BNIP3L: variants seen among roughly 807,000 people sequenced by gnomAD.
The protein encoded by BNIP3L is BCL2 interacting protein 3 like.
A neutral mutation model predicts 25.5 loss-of-function variants in BNIP3L; 10 were observed. The ratio of observed to expected loss-of-function variants is 0.39; its 90% CI spans 0.24 to 0.67. The LOEUF is 0.67. Among genes scored for constraint, BNIP3L ranks in the 30% least tolerant of loss-of-function variants. The probability of loss-of-function intolerance (pLI) is 0.45; values close to 1 mark genes in which losing one functional copy is unlikely to be tolerated. For synonymous variants in BNIP3L, 113 were observed against 101.2 expected, an observed-to-expected ratio of 1.12 and a Z score of -0.70; for missense variants, 215 against 270.9, an observed-to-expected ratio of 0.79 and a Z score of 1.45.
At position 26,410,787 on chromosome 8, in the gene BNIP3L, A is replaced by G. The variant is rs567812157; in HGVS notation, c.*375A>G. On this transcript the variant is annotated 3_prime_UTR_variant, in exon 6 of 6. Coordinates refer to ENST00000380629, the MANE Select transcript of BNIP3L (RefSeq NM_004331.3). ...ATGGTATAAATTTTACTCTTGCAACATAACTACCATCTCTCTCTTAAAACG... is the reference window on the plus strand; with the variant it reads ...ATGGTATAAATTTTACTCTTGCAACGTAACTACCATCTCTCTCTTAAAACG... The G allele has an allele frequency of 7.5e-5, 13 of 172,440 alleles. No homozygotes were observed. The highest frequency in any genetic ancestry group is 1.2e-4 in the Non-Finnish European group (10 of 80,368). 10.7% of individuals were successfully genotyped at this position (172,440 alleles called of 1,614,324 possible). A position where few individuals can be genotyped will look rare whatever the true frequency, so the allele number is the denominator to read the frequency against.
chr8:26,383,447 C>G (rs1164897880), intron 1 of BNIP3L: 1 of 1,366,862 alleles, frequency 7.3e-7, no homozygotes, highest in Admixed American at 3.4e-5. Context: ...GGGCCCGGGG[C>G]CGTTTGGGCT....
chr8:26,409,564 G>C (rs970054784), intron 5 of BNIP3L, among the ~76,000 whole-genome samples: 3 of 152,090 alleles, frequency 2.0e-5, no homozygotes, highest in Non-Finnish European at 4.4e-5. Flanking sequence ...GTGCAGAAGG[G>C]GACTGTGTGA....
At chr8:26,395,337 TTAAG>T in intron 3 of BNIP3L, 35 bp downstream of exon 3, 1 of 1,581,616 alleles carries the variant, frequency 6.3e-7, no homozygotes. Context: ...CAGTAAACAA[TTAAG>T]AAAGATGTAA....
intron 3 of BNIP3L, among the ~76,000 whole-genome samples, chr8:26,402,999 C>T (rs1479884062): frequency 6.6e-6 from 1 of 152,096 alleles, no homozygotes; most frequent in Non-Finnish European, 1.5e-5. Flanking sequence ...CCTGGAATTC[C>T]AAAGGAATTT....
At position 26,391,343 on chromosome 8, in the gene BNIP3L, C is replaced by T. The variant is rs1275880134; in HGVS notation, c.201C>T (p.His67=). ...LEHVPSSSSI[H]NGDMEKILLD... ...ACGTACCATCCTCATCCTCCATCCACAATGGAGACATGGAGAAGATTCTTT... is the reference window on the plus strand; with the variant it reads ...ACGTACCATCCTCATCCTCCATCCATAATGGAGACATGGAGAAGATTCTTT... Residue 67 remains histidine, a synonymous_variant, in exon 2 of 6, where the codon CAC becomes CAT. Coordinates refer to ENST00000380629, the MANE Select transcript of BNIP3L (RefSeq NM_004331.3). 2 of 1,610,938 alleles carry T rather than the reference C, an allele frequency of 1.2e-6. No homozygotes were observed. The highest frequency in any genetic ancestry group is 1.7e-6 in the Non-Finnish European group (2 of 1,178,660).
chr8:26,407,177 T>TTTTTG (rs1217628918), intron 3 of BNIP3L, among the ~76,000 whole-genome samples: 2 of 150,310 alleles, frequency 1.3e-5, no homozygotes, highest in Non-Finnish European at 3.0e-5. Context: ...GGCTAATTTT[T>TTTTTG]TTTTGTTTTG....
intron 2 of BNIP3L, among the ~76,000 whole-genome samples, chr8:26,394,155 A>C (rs1366307086): frequency 6.6e-6 from 1 of 152,212 alleles, no homozygotes; most frequent in Non-Finnish European, 1.5e-5. Context: ...GAAATCATTA[A>C]TAAAGCTAAG....
chr8:26,404,293 A>G (rs957843002), intron 3 of BNIP3L, among the ~76,000 whole-genome samples: 2 of 152,248 alleles, frequency 1.3e-5, no homozygotes, highest in African/African-American at 4.8e-5. Flanking sequence ...CAAAAATGCC[A>G]GCACAATGTT....
intron 1 of BNIP3L, among the ~76,000 whole-genome samples, chr8:26,385,043 A>C (rs1805960863): frequency 1.3e-5 from 2 of 151,896 alleles, no homozygotes; most frequent in Admixed American, 1.3e-4. Context: ...GGCCTCCCAA[A>C]GTGCTGGGAT....
chr8:26,410,035 A>G (rs1035370080), intron 5 of BNIP3L, among the ~76,000 whole-genome samples: 2 of 152,110 alleles, frequency 1.3e-5, no homozygotes, highest in South Asian at 2.1e-4. Flanking sequence ...TCTGTCCACC[A>G]AAGAGGAACA....
Position 26,391,481 on chromosome 8 carries a change from C to T in BNIP3L, c.284+55C>T, listed in dbSNP as rs145082562. On this transcript the variant is annotated intron_variant, in intron 2 of 5. Coordinates refer to ENST00000380629, the MANE Select transcript of BNIP3L (RefSeq NM_004331.3). Reference sequence around the variant, plus strand: ...CAGGAAACAGGTGGGTTACAGGGCTCATTCACTCTAGGAAAAATCTGTTTG... The same window carrying T: ...CAGGAAACAGGTGGGTTACAGGGCTTATTCACTCTAGGAAAAATCTGTTTG... 4.4e-5 allele frequency: 62 copies of T among 1,396,494 alleles called. 1 individual carries two copies. In the South Asian group the frequency reaches 6.9e-4, roughly 16 times the overall value. The allele number at this position is 1,396,494 out of a possible 1,614,324, so 86.5% of individuals were successfully genotyped here.
At chr8:26,409,016 T>C (rs1240455334) in intron 5 of BNIP3L, among the ~76,000 whole-genome samples, 1 of 152,206 alleles carries the variant, frequency 6.6e-6, no homozygotes, top group Non-Finnish European at 1.5e-5. Flanking sequence ...AACTAATCTT[T>C]AGCATGTACA....
rs565864668 is a variant in BNIP3L, at chr8:26,385,080, T to A, written c.100+1850T>A. On this transcript the variant is annotated intron_variant, in intron 1 of 5. Coordinates refer to ENST00000380629, the MANE Select transcript of BNIP3L (RefSeq NM_004331.3). The stretch of plus-strand genomic sequence containing the variant: ...ACAGGCTTGAGCCATCGCACCGGCT[T>A]CTTTTCAGTGGTGCAGAACCTCCTG... Among the ~76,000 whole-genome samples the A allele has an allele frequency of 3.3e-5, 5 of 151,990 alleles. No homozygotes were observed. In the East Asian group the frequency reaches 9.7e-4, roughly 30 times the overall value.
At position 26,412,187 on chromosome 8, in the gene BNIP3L, A is replaced by G. The variant is rs1806642656; in HGVS notation, c.*1775A>G. 6.6e-6 allele frequency: 1 copy of G among 152,150 alleles called. No individual in the cohort carries two copies. Among genetic ancestry groups the G allele is most frequent in the Non-Finnish European group, 1.5e-5 (1 of 68,032 alleles). The allele number at this position is 152,150 out of a possible 1,614,324, so 9.4% of individuals were successfully genotyped here. A position where few individuals can be genotyped will look rare whatever the true frequency, so the allele number is the denominator to read the frequency against. Reference sequence around the variant, plus strand: ...CTGTCTTACTCTTAAACCTGGTAACACTTGATTTGCCTTCTATAACCTATT... The same window carrying G: ...CTGTCTTACTCTTAAACCTGGTAACGCTTGATTTGCCTTCTATAACCTATT... On this transcript the variant is annotated 3_prime_UTR_variant, in exon 6 of 6. Coordinates refer to ENST00000380629, the MANE Select transcript of BNIP3L (RefSeq NM_004331.3).
At position 26,408,177 on chromosome 8, in the gene BNIP3L, C is replaced by A. The variant is rs1383807343; in HGVS notation, c.462-50C>A. On this transcript the variant is annotated intron_variant, in intron 4 of 5. Transcript: ENST00000380629. ...GCTTACAGGCAATGGGCCTGGTAAT[C>A]CCCACGATATTTTCAGCAAATGACA... The A allele has an allele frequency of 2.5e-6, 4 of 1,611,420 alleles. No individual in the cohort carries two copies. The African/African-American group carries it at 4.0e-5, about 16-fold the overall frequency.
chr8:26,383,064 T>G lies in BNIP3L; in HGVS notation c.-67T>G. ...AGAAAAGGGGGCGGCGGACTCGGCT[T>G]GTTGTGTTGCTGCCTGAGTGCCGGA... On this transcript the variant is annotated 5_prime_UTR_variant, in exon 1 of 6. Coordinates refer to ENST00000380629, the MANE Select transcript of BNIP3L (RefSeq NM_004331.3). The G allele has an allele frequency of 6.9e-7, 1 of 1,440,304 alleles. No homozygotes were observed. Among genetic ancestry groups the G allele is most frequent in the Non-Finnish European group, 9.5e-7 (1 of 1,053,242 alleles). 89.2% of individuals were successfully genotyped at this position (1,440,304 alleles called of 1,614,324 possible).
intron 1 of BNIP3L, chr8:26,390,600 A>G: frequency 1.0e-6 from 1 of 956,372 alleles, no homozygotes; most frequent in Non-Finnish European, 1.2e-6. Flanking sequence ...TGAGATAGAG[A>G]TAAAGCTTTT....
intron 1 of BNIP3L, among the ~76,000 whole-genome samples, chr8:26,388,087 ACT>A (rs1398265627): frequency 1.3e-5 from 2 of 152,096 alleles, no homozygotes; most frequent in African/African-American, 2.4e-5. Flanking sequence ...ATTGACAAAA[ACT>A]CTGCAAGTCT....
Position 26,410,436 on chromosome 8 carries a change from T to C in BNIP3L, c.*24T>C, listed in dbSNP as rs1806596839. 6.2e-7 allele frequency: 1 copy of C among 1,613,976 alleles called. No homozygotes were observed. The highest frequency in any genetic ancestry group is 2.2e-5 in the East Asian group (1 of 44,880). ...GAGGGAAAGGAAAAGCCCCTGGAAA[T>C]GCGTGTGACCTGTGAAGTGGTGTAT... is the stretch of plus-strand genomic sequence containing the variant. On this transcript the variant is annotated 3_prime_UTR_variant, in exon 6 of 6. Transcript: ENST00000380629.
Sources: gnomAD v4.1 joint callset for allele counts (sites outside exome capture counted in the v4.1 genomes callset) on GRCh38, gnomAD v4.1.1 for gene constraint, MANE v1.5 for transcripts, NCBI Gene and HGNC (gene_info 2026-07-23, HGNC 2026-07-21) for gene names.